FAAP20: variants seen among roughly 807,000 people sequenced by gnomAD.
FAAP20 encodes the protein FA core complex associated protein 20.
A neutral mutation model predicts 16.2 loss-of-function variants in FAAP20; 12 were observed. The observed-to-expected ratio is 0.74, with a 90% CI of 0.48 to 1.20. The LOEUF (loss-of-function observed/expected upper bound fraction) is 1.20, where lower values mean the gene tolerates loss of function less well. Ranked by LOEUF, FAAP20 falls within the 50% of genes most tolerant of loss-of-function variation. The pLI is 0.00. For missense variants in FAAP20, 288 were observed against 245.8 expected (o/e 1.17, Z -1.15); for synonymous variants, 141 against 110.7 (o/e 1.27, Z -1.72).
upstream of FAAP20, among the ~76,000 whole-genome samples, chr1:2,195,752 C>G (rs1161559841): frequency 1.3e-5 from 2 of 152,252 alleles, no homozygotes; most frequent in Non-Finnish European, 1.5e-5. Flanking sequence ...GGGGCCCCAG[C>G]CTGGAGGCCA....
chr1:2,197,858 G>A (rs1054951949), upstream of FAAP20: 37 of 785,126 alleles, frequency 4.7e-5, no homozygotes, highest in East Asian at 8.6e-4. Flanking sequence ...GGCACGTGGC[G>A]GGTGCCTCCA....
intron 3 of FAAP20, chr1:2,192,112 C>T (rs1018011434): frequency 4.7e-5 from 46 of 985,486 alleles, no homozygotes; most frequent in East Asian, 2.3e-4. Context: ...AGACCAAGTC[C>T]GGCTGTTAGA....
chr1:2,202,042 G>GAAGAAA (rs1689073781), upstream of FAAP20, among the ~76,000 whole-genome samples: 2 of 151,222 alleles, frequency 1.3e-5, no homozygotes, highest in Non-Finnish European at 3.0e-5. Context: ...AGAAGAAGAA[G>GAAGAAA]AAGAAAAAGA....
At chr1:2,191,823 C>T (rs573070272) in intron 3 of FAAP20, 1 of 985,294 alleles carries the variant, frequency 1.0e-6, no homozygotes. Context: ...TCTCAACATC[C>T]TCACCCCTCA....
At chr1:2,187,137 C>T (rs191326772), downstream of FAAP20, 13 of 468,814 alleles carry the variant, frequency 2.8e-5, no homozygotes, top group East Asian at 2.1e-4. Flanking sequence ...CGTGGCTGGC[C>T]GGCTCTCCTG....
At chr1:2,198,282 T>C, upstream of FAAP20, 1 of 859,322 alleles carries the variant, frequency 1.2e-6, no homozygotes, top group Non-Finnish European at 1.6e-6. Context: ...GGTGATCGAG[T>C]GGGTGGGGGC....
chr1:2,190,593 A>T lies in FAAP20; in HGVS notation c.471-812T>A, dbSNP rs560576578. 100 of 358,952 alleles carry T rather than the reference A, an allele frequency of 2.8e-4. 1 individual carries two copies. Among genetic ancestry groups the T allele is most frequent in the South Asian group, 1.9e-3 (97 of 50,118 alleles). The allele number at this position is 358,952 out of a possible 1,614,324, so 22.2% of individuals were successfully genotyped here. A position where few individuals can be genotyped will look rare whatever the true frequency, so the allele number is the denominator to read the frequency against. On this transcript the variant is annotated intron_variant, in intron 3 of 3. Transcript: ENST00000378546. ...CCAGGACAGTTGACTTCCGGCCATGACTCCCGGAGAGTGCCGGAGCTGGCG... is the reference window on the plus strand; with the variant it reads ...CCAGGACAGTTGACTTCCGGCCATGTCTCCCGGAGAGTGCCGGAGCTGGCG...
At chr1:2,196,416 G>A (rs1688826192), upstream of FAAP20, among the ~76,000 whole-genome samples, 1 of 152,064 alleles carries the variant, frequency 6.6e-6, no homozygotes, top group Non-Finnish European at 1.5e-5. This position sits in a 1 kb window ranked among gnomAD's most constrained non-coding sequence, Gnocchi z 4.5. Context: ...AAATTAGCTG[G>A]GCATGGTGGC....
chr1:2,186,199 C>T (rs1016183992), downstream of FAAP20: 3 of 369,102 alleles, frequency 8.1e-6, no homozygotes, highest in Admixed American at 5.8e-5. Context: ...GCGCAGAGAC[C>T]CCAGGCCTCC....
upstream of FAAP20, among the ~76,000 whole-genome samples, chr1:2,201,755 T>C (rs940083247): frequency 1.3e-5 from 2 of 151,054 alleles, no homozygotes; most frequent in Admixed American, 6.6e-5. Flanking sequence ...CGGTGGCTCA[T>C]GCCTGTAATA....
downstream of FAAP20, chr1:2,187,176 G>C (rs1362028350): frequency 2.1e-6 from 1 of 471,512 alleles, no homozygotes. Flanking sequence ...GACTGCCAGG[G>C]TCATTCAAAG....
At chr1:2,194,808 C>T (rs1173529529), upstream of FAAP20, 1 of 1,088,726 alleles carries the variant, frequency 9.2e-7, no homozygotes, top group Non-Finnish European at 1.1e-6. Flanking sequence ...CCAGGCCCCG[C>T]CCCCGCCCCG....
chr1:2,209,948 G>A (rs1367437423), downstream of FAAP20, among the ~76,000 whole-genome samples: 3 of 152,226 alleles, frequency 2.0e-5, no homozygotes, highest in African/African-American at 7.2e-5. Context: ...CCTGGGCACT[G>A]AAACGCTCAC....
chr1:2,189,369 T>G (rs1418231947), downstream of FAAP20, among the ~76,000 whole-genome samples: 7 of 149,558 alleles, frequency 4.7e-5, no homozygotes, highest in Non-Finnish European at 1.0e-4. Context: ...TGACTGCACA[T>G]GAGCTAACCA....
At chr1:2,197,345 A>C (rs1688865525), upstream of FAAP20, among the ~76,000 whole-genome samples, 1 of 152,192 alleles carries the variant, frequency 6.6e-6, no homozygotes, top group Non-Finnish European at 1.5e-5. Context: ...CAAGAGGGGC[A>C]GAGCCGAGCA....
intron 3 of FAAP20, among the ~76,000 whole-genome samples, chr1:2,206,090 G>C (rs1689249397): frequency 6.6e-6 from 1 of 152,256 alleles, no homozygotes; most frequent in South Asian, 2.1e-4. Flanking sequence ...GCATGGGAGG[G>C]GGGCAGGGCC....
upstream of FAAP20, chr1:2,198,994 G>A: frequency 7.8e-7 from 1 of 1,281,760 alleles, no homozygotes; most frequent in Non-Finnish European, 1.0e-6. Context: ...CACATGGGGT[G>A]CAAGAGTAGG....
intron 3 of FAAP20, chr1:2,190,823 G>A (rs542159786): frequency 6.0e-4 from 140 of 233,432 alleles, no homozygotes; most frequent in African/African-American, 3.0e-3. Context: ...CAGCCACACC[G>A]CCCCTCGCTC....
At chr1:2,211,285 A>G (rs1689428167), downstream of FAAP20, among the ~76,000 whole-genome samples, 1 of 124,496 alleles carries the variant, frequency 8.0e-6, no homozygotes. Context: ...GTTGGAGTGC[A>G]GTCGCGCGAT....
Sources: allele counts gnomAD v4.1 joint callset (sites outside exome capture counted in the v4.1 genomes callset), GRCh38; gene constraint gnomAD v4.1.1; non-coding constraint Gnocchi (gnomAD v3.1); transcripts MANE v1.5; gene names NCBI Gene and HGNC (gene_info 2026-07-23, HGNC 2026-07-21).